ATXN8OS: variants seen among roughly 807,000 people sequenced by gnomAD.
ATXN8OS encodes the protein ATXN8 opposite strand lncRNA, also known as ATXN8 opposite strand (non-protein coding).
chr13:70,169,055 A>G (rs113080855), intron 4 of ATXN8OS, among the ~76,000 whole-genome samples: 8 of 152,216 alleles, frequency 5.3e-5, no homozygotes, highest in African/African-American at 1.4e-4. Context: ...CCATGAATAG[A>G]TTGCTATTTT....
At chr13:70,143,266 A>G (rs1185259528) in intron 3 of ATXN8OS, among the ~76,000 whole-genome samples, 1 of 152,082 alleles carries the variant, frequency 6.6e-6, no homozygotes, top group African/African-American at 2.4e-5. Context: ...AATTTCCTCA[A>G]GTGAATTTCC....
At chr13:70,159,783 C>A (rs1440879982) in intron 4 of ATXN8OS, among the ~76,000 whole-genome samples, 2 of 152,182 alleles carry the variant, frequency 1.3e-5, no homozygotes, top group Admixed American at 1.3e-4. Context: ...CACATGGAAT[C>A]ATACAGTATA....
At chr13:70,108,040 G>A (rs967995542) in intron 1 of ATXN8OS, 12 of 427,088 alleles carry the variant, frequency 2.8e-5, no homozygotes, top group African/African-American at 2.4e-4. Flanking sequence ...CCTTAGGCTG[G>A]AGATGCGCGA....
chr13:70,128,484 T>C (rs1299711526), intron 2 of ATXN8OS, among the ~76,000 whole-genome samples: 1 of 151,754 alleles, frequency 6.6e-6, no homozygotes, highest in East Asian at 1.9e-4. Context: ...TCTTGAAGAG[T>C]AGAAACACCT....
At position 70,115,714 on chromosome 13, in the gene ATXN8OS, G is replaced by A. The variant is rs982755415; in HGVS notation, n.398+416G>A. On this transcript the variant is annotated intron_variant and non_coding_transcript_variant, in intron 2 of 4. Transcript: ENST00000678624. Reference sequence around the variant, plus strand: ...TTTTGAGTTTATCATAATGAGAAATGGATAAGAGTAATAACACTTTATAGT... The same window carrying A: ...TTTTGAGTTTATCATAATGAGAAATAGATAAGAGTAATAACACTTTATAGT... Among the ~76,000 whole-genome samples the A allele has an allele frequency of 2.0e-5, 3 of 151,952 alleles. No individual in the cohort carries two copies. The East Asian group carries it at 5.8e-4, about 29-fold the overall frequency.
intron 4 of ATXN8OS, among the ~76,000 whole-genome samples, chr13:70,162,200 G>T (rs573228442): frequency 6.6e-6 from 1 of 152,024 alleles, no homozygotes; most frequent in Non-Finnish European, 1.5e-5. Context: ...CATTTCTTAG[G>T]GTCTTACAGG....
chr13:70,134,294 A>G (rs1400459820), intron 3 of ATXN8OS, among the ~76,000 whole-genome samples: 1 of 152,212 alleles, frequency 6.6e-6, no homozygotes, highest in Admixed American at 6.5e-5. Flanking sequence ...CTATGCACAG[A>G]AAACTGAGTG....
Position 70,142,526 on chromosome 13 carries a change from T to C in ATXN8OS, n.500-4829T>C, listed in dbSNP as rs541105850. Among the ~76,000 whole-genome samples the C allele has an allele frequency of 2.6e-5, 4 of 152,334 alleles. No individual in the cohort carries two copies. In the South Asian group the frequency reaches 8.3e-4, roughly 32 times the overall value. On this transcript the variant is annotated intron_variant and non_coding_transcript_variant, in intron 3 of 4. Transcript: ENST00000678624. ...GTGTAGTATGATGTTTGTATTACTT[T>C]ATATGTGTTAGCCTGCAAGGTGTGC...
At chr13:70,107,777 C>T (rs757814028), upstream of ATXN8OS, 1 of 1,162,400 alleles carries the variant, frequency 8.6e-7, no homozygotes, top group Non-Finnish European at 1.2e-6. Context: ...GACAGCGGGG[C>T]CCGGGGGCGG....
chr13:70,135,686 C>T (rs1395967766), intron 3 of ATXN8OS, among the ~76,000 whole-genome samples: 2 of 152,082 alleles, frequency 1.3e-5, no homozygotes, highest in Non-Finnish European at 2.9e-5. Flanking sequence ...CTACTATGTA[C>T]AAATTTCATG....
intron 3 of ATXN8OS, among the ~76,000 whole-genome samples, chr13:70,133,654 G>GT (rs1555300104): frequency 6.6e-6 from 1 of 152,190 alleles, no homozygotes; most frequent in South Asian, 2.1e-4. Flanking sequence ...CAGAAACACA[G>GT]AAAAAAGGCT....
intron 4 of ATXN8OS, among the ~76,000 whole-genome samples, chr13:70,153,636 G>A (rs1593774759): frequency 6.6e-6 from 1 of 152,248 alleles, no homozygotes; most frequent in East Asian, 1.9e-4. Context: ...ATAATGTGTT[G>A]TCAATATGTA....
intron 4 of ATXN8OS, among the ~76,000 whole-genome samples, chr13:70,162,276 C>A (rs1475115170): frequency 6.6e-6 from 1 of 151,928 alleles, no homozygotes; most frequent in African/African-American, 2.4e-5. Context: ...GTATAGGAAA[C>A]CTGAGACGCA....
intron 3 of ATXN8OS, among the ~76,000 whole-genome samples, chr13:70,144,895 C>G (rs1374264599): frequency 2.6e-5 from 4 of 151,930 alleles, no homozygotes; most frequent in African/African-American, 9.7e-5. Flanking sequence ...TTGTTTTTGG[C>G]TAGGTAGATT....
intron 2 of ATXN8OS, among the ~76,000 whole-genome samples, chr13:70,125,760 T>C (rs1239078767): frequency 6.6e-6 from 1 of 152,166 alleles, no homozygotes; most frequent in Non-Finnish European, 1.5e-5. Flanking sequence ...GTTGCAGATA[T>C]TGATGCCAGG....
At chr13:70,122,087 T>C (rs941880631) in intron 2 of ATXN8OS, among the ~76,000 whole-genome samples, 2 of 152,044 alleles carry the variant, frequency 1.3e-5, no homozygotes, top group Non-Finnish European at 2.9e-5. Context: ...ACTAATCCCT[T>C]CTTGCACAAA....
At chr13:70,163,249 G>A (rs1853904137) in intron 4 of ATXN8OS, among the ~76,000 whole-genome samples, 1 of 152,024 alleles carries the variant, frequency 6.6e-6, no homozygotes. Flanking sequence ...ATTTACAGAT[G>A]AGAAAATTGA....
intron 4 of ATXN8OS, among the ~76,000 whole-genome samples, chr13:70,152,196 C>T (rs1033914493): frequency 1.3e-5 from 2 of 151,994 alleles, no homozygotes; most frequent in Non-Finnish European, 2.9e-5. Context: ...CTGTTTCTTT[C>T]CACCTGGCCA....
intron 4 of ATXN8OS, among the ~76,000 whole-genome samples, chr13:70,168,918 A>G (rs1437506985): frequency 6.6e-6 from 1 of 152,088 alleles, no homozygotes; most frequent in African/African-American, 2.4e-5. Context: ...ATGTTTTTGC[A>G]TTATAGTTTC....
Sources: gnomAD v4.1 joint callset for allele counts (sites outside exome capture counted in the v4.1 genomes callset) on GRCh38, gnomAD v4.1.1 for gene constraint, MANE v1.5 for transcripts, NCBI Gene and HGNC (gene_info 2026-07-23, HGNC 2026-07-21) for gene names.